The following KCTD15 variants were observed in gnomAD, a reference collection of about 807,000 sequenced individuals.
The protein encoded by KCTD15 is potassium channel tetramerization domain containing 15.
In KCTD15, 11 loss-of-function variants were observed where a neutral mutation model predicts 27.2. The observed-to-expected ratio is 0.41, with a 90% confidence interval of 0.25 to 0.67. The LOEUF is 0.67. KCTD15 is among the 30% of genes least tolerant of loss of function. The probability of loss-of-function intolerance (pLI) is 0.35; values close to 1 mark genes in which losing one functional copy is unlikely to be tolerated. For synonymous variants in KCTD15, 163 were observed against 176.0 expected (o/e 0.93, Z 0.58); for missense variants, 350 against 409.3 (o/e 0.86, Z 1.25).
chr19:33,809,148 G>T (rs989413608), intron 5 of KCTD15, among the ~76,000 whole-genome samples: 14 of 152,114 alleles, frequency 9.2e-5, no homozygotes, highest in Admixed American at 9.2e-4. Flanking sequence ...GTGGTGGTGT[G>T]CACCTGTAGT....
intron 1 of KCTD15, among the ~76,000 whole-genome samples, chr19:33,797,820 AT>A (rs977954756): frequency 5.3e-5 from 8 of 152,070 alleles, no homozygotes; most frequent in East Asian, 3.9e-4. Flanking sequence ...GTTTCAATTA[AT>A]TTTTTTTTAA....
Position 33,813,013 on chromosome 19 carries a change from T to C in KCTD15, c.*65T>C. On this transcript the variant is annotated 3_prime_UTR_variant, in exon 7 of 7. Transcript: ENST00000683859. The stretch of plus-strand genomic sequence containing the variant: ...GGAAACAGTGCTGGGGAGTTCTGCC[T>C]GTGTATACTTGGCCGTGGGCATGAG... 1 of 1,464,390 alleles carries C rather than the reference T, an allele frequency of 6.8e-7. No individual in the cohort carries two copies. Among genetic ancestry groups the C allele is most frequent in the Non-Finnish European group, 9.2e-7 (1 of 1,083,976 alleles). 90.7% of individuals were successfully genotyped at this position (1,464,390 alleles called of 1,614,324 possible).
At chr19:33,809,402 AG>A (rs1425225276) in intron 5 of KCTD15, among the ~76,000 whole-genome samples, 2 of 152,256 alleles carry the variant, frequency 1.3e-5, no homozygotes, top group Non-Finnish European at 2.9e-5. Context: ...GGCCTCTTGC[AG>A]GTGCCCCGGG....
At chr19:33,810,818 C>T (rs1234026738) in intron 5 of KCTD15, among the ~76,000 whole-genome samples, 3 of 150,570 alleles carry the variant, frequency 2.0e-5, no homozygotes, top group Non-Finnish European at 4.4e-5. Context: ...ACTTTTTTTG[C>T]TTCCGGGTAG....
intron 4 of KCTD15, 71 bp downstream of exon 4, chr19:33,801,413 G>C: frequency 7.2e-7 from 1 of 1,379,776 alleles, no homozygotes; most frequent in Non-Finnish European, 9.7e-7. Context: ...CTGCCTAGGG[G>C]GTGGGGTCTC....
At chr19:33,809,712 A>G (rs948557533) in intron 5 of KCTD15, among the ~76,000 whole-genome samples, 1 of 151,928 alleles carries the variant, frequency 6.6e-6, no homozygotes, top group Admixed American at 6.6e-5. Context: ...TATTATTGTT[A>G]TTATTATTAT....
intron 5 of KCTD15, among the ~76,000 whole-genome samples, chr19:33,808,147 G>A (rs1331339142): frequency 1.3e-5 from 2 of 152,232 alleles, no homozygotes; most frequent in African/African-American, 4.8e-5. Context: ...GGAAACTCAG[G>A]CCTGGGGTAC....
At position 33,798,785 on chromosome 19, in the gene KCTD15, A is replaced by G. The variant is rs954149528; in HGVS notation, c.-28+19A>G. The G allele has an allele frequency of 6.6e-6, 1 of 152,652 alleles. No individual in the cohort carries two copies. Among genetic ancestry groups the G allele is most frequent in the African/African-American group, 2.4e-5 (1 of 41,468 alleles). 9.5% of individuals were successfully genotyped at this position (152,652 alleles called of 1,614,324 possible). On this transcript the variant is annotated intron_variant, in intron 2 of 6. Coordinates refer to ENST00000683859, the MANE Select transcript of KCTD15 (RefSeq NM_001129994.2). ...TCCAACGGTAAGTTTCTGGCTTGCC[A>G]TGAACATCAGGTTGTTCTTGGGAGG...
intron 6 of KCTD15, 165 bp from the exon 7 acceptor site, chr19:33,812,625 C>T (rs1975961884): frequency 1.5e-6 from 2 of 1,296,040 alleles, no homozygotes; most frequent in South Asian, 2.7e-5. Flanking sequence ...GTGGTGGAAC[C>T]CAGCACGTGG....
At chr19:33,803,562 C>T (rs1415805696) in intron 4 of KCTD15, among the ~76,000 whole-genome samples, 1 of 151,984 alleles carries the variant, frequency 6.6e-6, no homozygotes, top group Non-Finnish European at 1.5e-5. Flanking sequence ...GTTGGGGTGG[C>T]CTGGGTGCTG....
At chr19:33,803,442 CAG>C (rs796817134) in intron 4 of KCTD15, among the ~76,000 whole-genome samples, 9 of 152,324 alleles carry the variant, frequency 5.9e-5, no homozygotes, top group East Asian at 1.9e-4. Flanking sequence ...CTGTGGTCCT[CAG>C]GGGGTTTCTG....
intron 4 of KCTD15, among the ~76,000 whole-genome samples, chr19:33,803,082 G>A (rs1242673246): frequency 6.6e-6 from 1 of 152,252 alleles, no homozygotes; most frequent in African/African-American, 2.4e-5. Flanking sequence ...GACCCTCCTG[G>A]TGTGCCCAAG....
chr19:33,811,076 A>C (rs571620679), intron 5 of KCTD15, among the ~76,000 whole-genome samples, 171 bp from the exon 6 acceptor site: 75 of 151,772 alleles, frequency 4.9e-4, no homozygotes, highest in Non-Finnish European at 7.7e-4. Context: ...CTTGCAAACC[A>C]CTCAGTTGCC....
rs1312374769 is a variant in KCTD15, at chr19:33,812,843, C to T, written c.747C>T (p.Gly249=). 2.9e-5 allele frequency: 44 copies of T among 1,531,896 alleles called. No homozygotes were observed. Among genetic ancestry groups the T allele is most frequent in the Non-Finnish European group, 3.5e-5 (40 of 1,137,168 alleles). 94.9% of individuals were successfully genotyped at this position (1,531,896 alleles called of 1,614,324 possible). The change falls in exon 7 of 7, where the codon GGC becomes GGT. Residue 249 remains glycine, a synonymous_variant. Coordinates refer to ENST00000683859, the MANE Select transcript of KCTD15 (RefSeq NM_001129994.2). ...TCAGCGTGGCTGCGTCCTGTGGGGG[C>T]GGTGTGGACTCCTCCCAGTTCAGCG... ...RGFSVAASCG[G]GVDSSQFSEY...
rs1976055751 is a variant in KCTD15 at position 33,815,188 on chromosome 19, A to G, written c.*2240A>G. 1 of 152,196 alleles carries G rather than the reference A, an allele frequency of 6.6e-6. No homozygotes were observed. Among genetic ancestry groups the G allele is most frequent in the Admixed American group, 6.5e-5 (1 of 15,278 alleles). 9.4% of individuals were successfully genotyped at this position (152,196 alleles called of 1,614,324 possible). ...TGGGTAAATGATTGTGCTAAAAATA[A>G]AATTTATTAATAAAGAAGGGGAAAA... On this transcript the variant is annotated 3_prime_UTR_variant, in exon 7 of 7. Transcript: ENST00000683859.
At position 33,813,599 on chromosome 19, in the gene KCTD15, T is replaced by A; in HGVS notation, c.*651T>A. The A allele has an allele frequency of 2.9e-6, 1 of 344,722 alleles. No homozygotes were observed. The highest frequency in any genetic ancestry group is 2.1e-5 in the South Asian group (1 of 46,514). 21.4% of individuals were successfully genotyped at this position (344,722 alleles called of 1,614,324 possible). ...GGTGGGGGCCTGAGGGCTGAGTGAT[T>A]CTGTAACCACCTGAGACCTTCACGT... is the stretch of plus-strand genomic sequence containing the variant. On this transcript the variant is annotated 3_prime_UTR_variant, in exon 7 of 7. Coordinates refer to ENST00000683859, the MANE Select transcript of KCTD15 (RefSeq NM_001129994.2).
chr19:33,796,736 A>AGAGGGGAGGAGGC (rs1307304658), upstream of KCTD15: 14 of 121,242 alleles, frequency 1.2e-4, no homozygotes, highest in African/African-American at 3.1e-4. Flanking sequence ...GCGGCCGCGA[A>AGAGGGGAGGAGGC]GAGGGGAGGA....
At chr19:33,812,577 C>A (rs1464704620) in intron 6 of KCTD15, 2 of 1,280,000 alleles carry the variant, frequency 1.6e-6, no homozygotes, top group Non-Finnish European at 2.0e-6. Flanking sequence ...GTTTGCTAAC[C>A]TGAGGGGTCA....
chr19:33,796,770 A>T (rs1464381887), upstream of KCTD15: 1 of 98,706 alleles, frequency 1.0e-5, no homozygotes, highest in Non-Finnish European at 2.1e-5. Context: ...TGGGGAGGGG[A>T]GGCCCCGGCG....
Sources: gnomAD v4.1 joint callset for allele counts (sites outside exome capture counted in the v4.1 genomes callset) on GRCh38, gnomAD v4.1.1 for gene constraint, MANE v1.5 for transcripts, NCBI Gene and HGNC (gene_info 2026-07-23, HGNC 2026-07-21) for gene names.